SMURF2: variants seen among roughly 807,000 people sequenced by gnomAD.
SMURF2 encodes the protein E3 ubiquitin-protein ligase SMURF2.
Under a neutral mutation model 109.6 loss-of-function variants are expected in SMURF2, and 48 were observed. The observed-to-expected ratio is 0.44, with a 90% CI of 0.35 to 0.56. The LOEUF is 0.56. SMURF2 is among the 20% of genes least tolerant of loss of function. The pLI is 0.01. For synonymous variants in SMURF2, 288 were observed against 317.1 expected (o/e 0.91, Z 0.97); for missense variants, 575 against 909.0 (o/e 0.63, Z 4.72).
Position 64,561,485 on chromosome 17 carries a change from C to A in SMURF2, c.1316+15G>T. On this transcript the variant is annotated intron_variant, in intron 12 of 18. Coordinates refer to ENST00000262435, the MANE Select transcript of SMURF2 (RefSeq NM_022739.4). ...CAAAGATCCATATGTCATAAGCTGG[C>A]AAGCAAGTCCATACCTGGCAACGCC... 6.4e-7 allele frequency: 1 copy of A among 1,570,142 alleles called. No homozygotes were observed. Among genetic ancestry groups the A allele is most frequent in the Non-Finnish European group, 8.8e-7 (1 of 1,141,616 alleles).
chr17:64,653,659 G>A (rs891637320), intron 1 of SMURF2, among the ~76,000 whole-genome samples: 1 of 151,994 alleles, frequency 6.6e-6, no homozygotes, highest in African/African-American at 2.4e-5. Context: ...TGTTGCCCAG[G>A]CTGGTCTCAA....
At chr17:64,549,262 C>CAAAAAAAAAAAAAAAAAAA (rs577973821) in intron 16 of SMURF2, among the ~76,000 whole-genome samples, 1 of 41,570 alleles carries the variant, frequency 2.4e-5, no homozygotes, top group Admixed American at 3.2e-4. Context: ...ACTGTGTCTC[C>CAAAAAAAAAAAAAAAAAAA]AAAAAAAAAA....
rs1300416308 is a variant in SMURF2 at position 64,543,931 on chromosome 17, A to C, written c.*1917T>G. On this transcript the variant is annotated 3_prime_UTR_variant, in exon 19 of 19. Coordinates refer to ENST00000262435, the MANE Select transcript of SMURF2 (RefSeq NM_022739.4). ...GTACTCAGAATGCAATGTAAAAAAA[A>C]CAAATTGTTTGAGAGGAAAAAGGTA... 6.6e-6 allele frequency: 1 copy of C among 152,210 alleles called. No individual in the cohort carries two copies. Among genetic ancestry groups the C allele is most frequent in the Non-Finnish European group, 1.5e-5 (1 of 68,040 alleles). 9.4% of individuals were successfully genotyped at this position (152,210 alleles called of 1,614,324 possible).
chr17:64,551,376 G>A (rs1969043342), intron 16 of SMURF2, among the ~76,000 whole-genome samples: 1 of 151,888 alleles, frequency 6.6e-6, no homozygotes, highest in Admixed American at 6.6e-5. Context: ...AAAAGAGAGA[G>A]AGAGACAGAT....
At chr17:64,626,807 A>G (rs1970274308) in intron 1 of SMURF2, among the ~76,000 whole-genome samples, 1 of 152,198 alleles carries the variant, frequency 6.6e-6, no homozygotes, top group East Asian at 1.9e-4. Flanking sequence ...ACACAATCTC[A>G]CTTTGTCATT....
At chr17:64,598,747 T>C (rs1197774909) in intron 2 of SMURF2, among the ~76,000 whole-genome samples, 1 of 152,218 alleles carries the variant, frequency 6.6e-6, no homozygotes, top group African/African-American at 2.4e-5. Flanking sequence ...TACCTCATAA[T>C]GTGGAAGTTT....
intron 2 of SMURF2, among the ~76,000 whole-genome samples, chr17:64,600,038 A>G (rs1350899857): frequency 6.6e-6 from 1 of 152,186 alleles, no homozygotes; most frequent in Non-Finnish European, 1.5e-5. Context: ...GAGCCATTTC[A>G]GGTTCTTGAG....
chr17:64,661,770 AC>A (rs1368416385), intron 1 of SMURF2, 58 bp downstream of exon 1: 62 of 1,174,894 alleles, frequency 5.3e-5, no homozygotes, highest in East Asian at 2.0e-4. Flanking sequence ...GGCCACAGGC[AC>A]CCCCCGCCAG....
At chr17:64,599,467 T>C (rs554461816) in intron 2 of SMURF2, among the ~76,000 whole-genome samples, 1 of 152,354 alleles carries the variant, frequency 6.6e-6, no homozygotes, top group Admixed American at 6.5e-5. Flanking sequence ...GGAACTCATC[T>C]GGGCTTTAAG....
At chr17:64,566,561 G>GTTTGTTTGTTTTTTTTTTT (rs1969305868) in intron 10 of SMURF2, among the ~76,000 whole-genome samples, 4 of 43,784 alleles carry the variant, frequency 9.1e-5, no homozygotes, top group African/African-American at 3.0e-4. Flanking sequence ...AAGCTTTCTG[G>GTTTGTTTGTTTTTTTTTTT]TTTTTTTTTT....
intron 1 of SMURF2, among the ~76,000 whole-genome samples, chr17:64,630,423 C>A (rs1241476543): frequency 6.6e-6 from 1 of 151,924 alleles, no homozygotes; most frequent in African/African-American, 2.4e-5. Flanking sequence ...AATTAAATGC[C>A]ACAAAAGAAA....
chr17:64,579,743 T>C (rs1323107046), intron 8 of SMURF2, among the ~76,000 whole-genome samples: 1 of 152,188 alleles, frequency 6.6e-6, no homozygotes, highest in East Asian at 1.9e-4. Context: ...ACCTAGATGG[T>C]TGGTGCTGTT....
chr17:64,578,933 A>G lies in SMURF2; in HGVS notation c.773-357T>C, dbSNP rs28630939. On this transcript the variant is annotated intron_variant, in intron 8 of 18. Coordinates refer to ENST00000262435, the MANE Select transcript of SMURF2 (RefSeq NM_022739.4). ...GGCTGGCCAACATTGGGAAGATTTG[A>G]GGAGGAACTTCCAGAAATTTTCAAA... Among the ~76,000 whole-genome samples, 1,280 of 152,380 alleles carry G rather than the reference A, an allele frequency of 8.4e-3. 20 individuals are homozygous for G. The highest frequency in any genetic ancestry group is 0.029 in the African/African-American group (1,211 of 41,588).
At chr17:64,621,610 T>C (rs559960667) in intron 1 of SMURF2, among the ~76,000 whole-genome samples, 4 of 150,414 alleles carry the variant, frequency 2.7e-5, no homozygotes, top group African/African-American at 9.8e-5. Context: ...GCACGGTGGT[T>C]CATGCCTGTA....
intron 9 of SMURF2, among the ~76,000 whole-genome samples, chr17:64,574,306 A>G (rs557201559): frequency 4.6e-5 from 7 of 152,348 alleles, no homozygotes; most frequent in African/African-American, 1.7e-4. Context: ...GGAGCTGGTT[A>G]AAGAAAAATG....
intron 10 of SMURF2, among the ~76,000 whole-genome samples, chr17:64,567,254 T>C (rs147153676): frequency 2.3e-3 from 354 of 152,366 alleles, no homozygotes; most frequent in African/African-American, 8.2e-3. Flanking sequence ...GAAAACTTTC[T>C]ATTAGGAATA....
At chr17:64,616,425 C>T (rs544917876) in intron 1 of SMURF2, among the ~76,000 whole-genome samples, 5 of 151,548 alleles carry the variant, frequency 3.3e-5, no homozygotes, top group Non-Finnish European at 5.9e-5. Context: ...CTGAGGTGGG[C>T]GGATCATGAG....
intron 1 of SMURF2, among the ~76,000 whole-genome samples, chr17:64,607,499 G>A (rs138519564): frequency 0.05 from 7,629 of 151,530 alleles, 319 homozygotes; most frequent in Admixed American, 0.14. Context: ...GGTGGCGTGC[G>A]CCTGTAGTCC....
At chr17:64,556,656 T>C (rs939997407) in intron 13 of SMURF2, among the ~76,000 whole-genome samples, 1 of 152,194 alleles carries the variant, frequency 6.6e-6, no homozygotes, top group African/African-American at 2.4e-5. Flanking sequence ...ACAGGGGCAG[T>C]AGTGGGCCCT....
Sources: gnomAD v4.1 joint callset for allele counts (sites outside exome capture counted in the v4.1 genomes callset) on GRCh38, gnomAD v4.1.1 for gene constraint, MANE v1.5 for transcripts, NCBI Gene and HGNC (gene_info 2026-07-23, HGNC 2026-07-21) for gene names.